KCTD8: variants seen among roughly 807,000 people sequenced by gnomAD.
KCTD8 encodes the protein potassium channel tetramerization domain containing 8.
In KCTD8, 27 loss-of-function variants were observed where a neutral mutation model predicts 31.5. The ratio of observed to expected loss-of-function variants is 0.86; its 90% CI spans 0.63 to 1.18. The LOEUF (loss-of-function observed/expected upper bound fraction) is 1.18. Among genes scored for constraint, KCTD8 ranks in the 50% most tolerant of loss-of-function variants. The pLI is 0.00. For missense variants in KCTD8, 658 were observed against 647.7 expected (o/e 1.02, Z -0.17); for synonymous variants, 290 against 280.0 (o/e 1.04, Z -0.36).
chr4:44,411,639 G>T (rs1219680827), intron 1 of KCTD8, among the ~76,000 whole-genome samples: 2 of 152,116 alleles, frequency 1.3e-5, no homozygotes, highest in East Asian at 3.9e-4. Context: ...TAACTTATTT[G>T]GAAATAGGGT....
intron 1 of KCTD8, among the ~76,000 whole-genome samples, chr4:44,181,341 C>T (rs1713383580): frequency 6.6e-6 from 1 of 152,184 alleles, no homozygotes. Context: ...ACTGCAACCT[C>T]CCTGCCTGGT....
intron 1 of KCTD8, among the ~76,000 whole-genome samples, chr4:44,263,906 A>G (rs560921016): frequency 4.4e-4 from 67 of 152,324 alleles, no homozygotes; most frequent in African/African-American, 1.5e-3. Flanking sequence ...TATGACATAA[A>G]TTAAAATTTA....
intron 1 of KCTD8, among the ~76,000 whole-genome samples, chr4:44,406,104 T>C (rs1720788369): frequency 6.6e-6 from 1 of 152,148 alleles, no homozygotes; most frequent in Admixed American, 6.6e-5. Flanking sequence ...CCTTTTCCTC[T>C]TCCCACAGTG....
intron 1 of KCTD8, among the ~76,000 whole-genome samples, chr4:44,276,124 T>C (rs1716743170): frequency 6.6e-6 from 1 of 151,998 alleles, no homozygotes; most frequent in Non-Finnish European, 1.5e-5. Flanking sequence ...AGACACATTG[T>C]CTGCAGACAA....
At chr4:44,176,098 A>C (rs1713206298) in intron 1 of KCTD8, among the ~76,000 whole-genome samples, 1 of 152,190 alleles carries the variant, frequency 6.6e-6, no homozygotes, top group South Asian at 2.1e-4. Context: ...AAACACTACC[A>C]CATACCCAGA....
intron 1 of KCTD8, among the ~76,000 whole-genome samples, chr4:44,426,220 A>T (rs1318291367): frequency 6.6e-6 from 1 of 151,888 alleles, no homozygotes; most frequent in Non-Finnish European, 1.5e-5. Context: ...CGAGCCAATC[A>T]TTAAGCTCTA....
At chr4:44,211,372 C>T (rs1399216726) in intron 1 of KCTD8, among the ~76,000 whole-genome samples, 1 of 152,158 alleles carries the variant, frequency 6.6e-6, no homozygotes, top group African/African-American at 2.4e-5. Context: ...TATACATAAA[C>T]ATGAACACAT....
intron 1 of KCTD8, among the ~76,000 whole-genome samples, chr4:44,220,855 T>A (rs1186746221): frequency 6.6e-6 from 1 of 152,208 alleles, no homozygotes; most frequent in East Asian, 1.9e-4. Context: ...AAGGTTTATT[T>A]ATTTATTTAT....
In KCTD8 at chr4:44,427,679, G is replaced by A. The variant is rs147718912; in HGVS notation, c.961+19884C>T. Among the ~76,000 whole-genome samples, 719 of 151,624 alleles carry A rather than the reference G, an allele frequency of 4.7e-3. 4 individuals are homozygous for A. Among genetic ancestry groups the A allele is most frequent in the African/African-American group, 0.017 (688 of 41,446 alleles). On this transcript the variant is annotated intron_variant, in intron 1 of 1. Transcript: ENST00000360029. ...GCACAAAACCACACTAATAAAAATA[G>A]TATATAATATTAACAAAAAATAGAC...
intron 1 of KCTD8, among the ~76,000 whole-genome samples, chr4:44,221,084 G>A (rs1163423330): frequency 6.6e-6 from 1 of 152,108 alleles, no homozygotes; most frequent in Admixed American, 6.6e-5. Flanking sequence ...GTTATCCTTG[G>A]AATTCTACTA....
intron 1 of KCTD8, among the ~76,000 whole-genome samples, chr4:44,385,395 C>T (rs1006840416): frequency 1.3e-5 from 2 of 151,592 alleles, no homozygotes; most frequent in Non-Finnish European, 3.0e-5. Flanking sequence ...AGAAATAAAC[C>T]CTTACTTATA....
At chr4:44,285,885 T>C (rs982154639) in intron 1 of KCTD8, among the ~76,000 whole-genome samples, 1 of 152,144 alleles carries the variant, frequency 6.6e-6, no homozygotes, top group Non-Finnish European at 1.5e-5. Flanking sequence ...CTACATTCTA[T>C]ATGCCATTAG....
chr4:44,223,046 A>C (rs1235852104), intron 1 of KCTD8, among the ~76,000 whole-genome samples: 3 of 152,232 alleles, frequency 2.0e-5, no homozygotes, highest in African/African-American at 7.2e-5. Flanking sequence ...AGAGAATGCA[A>C]GAAGGGCAAT....
At chr4:44,194,495 G>C (rs1429186177) in intron 1 of KCTD8, among the ~76,000 whole-genome samples, 4 of 152,116 alleles carry the variant, frequency 2.6e-5, no homozygotes, top group African/African-American at 9.7e-5. Context: ...ACTTAATTAT[G>C]AGCTATATTA....
At chr4:44,299,077 C>T (rs1366871305) in intron 1 of KCTD8, among the ~76,000 whole-genome samples, 1 of 152,090 alleles carries the variant, frequency 6.6e-6, no homozygotes, top group African/African-American at 2.4e-5. Context: ...CTTTCAAGTA[C>T]ATTAGTTGAG....
chr4:44,427,312 A>T (rs1721373186), intron 1 of KCTD8, among the ~76,000 whole-genome samples: 1 of 151,442 alleles, frequency 6.6e-6, no homozygotes, highest in Non-Finnish European at 1.5e-5. Context: ...CAGGGGAATC[A>T]CAAAATTATA....
intron 1 of KCTD8, among the ~76,000 whole-genome samples, chr4:44,374,895 C>T (rs1719880467): frequency 6.6e-6 from 1 of 151,934 alleles, no homozygotes; most frequent in African/African-American, 2.4e-5. Context: ...TGAGAATTGC[C>T]AAAATGTGAC....
chr4:44,219,533 T>A (rs1714745720), intron 1 of KCTD8, among the ~76,000 whole-genome samples: 1 of 152,178 alleles, frequency 6.6e-6, no homozygotes, highest in Non-Finnish European at 1.5e-5. Flanking sequence ...AAGCAGAGAC[T>A]GGAGTTATAC....
chr4:44,256,162 A>G (rs1422178621), intron 1 of KCTD8, among the ~76,000 whole-genome samples: 1 of 151,834 alleles, frequency 6.6e-6, no homozygotes, highest in African/African-American at 2.4e-5. Flanking sequence ...ACATTATTCA[A>G]TTACCTCCCA....
Sources: gnomAD v4.1 joint callset for allele counts (sites outside exome capture counted in the v4.1 genomes callset) on GRCh38, gnomAD v4.1.1 for gene constraint, MANE v1.5 for transcripts, NCBI Gene and HGNC (gene_info 2026-07-23, HGNC 2026-07-21) for gene names.